The following PIK3CA variants were observed in gnomAD, a reference collection of about 807,000 sequenced individuals.
The protein encoded by PIK3CA is phosphatidylinositol 4,5-bisphosphate 3-kinase catalytic subunit alpha isoform.
PIK3CA carries 27 observed loss-of-function variants against 138.2 expected under a neutral mutation model. The ratio of observed to expected loss-of-function variants is 0.20; its 90% CI spans 0.14 to 0.27. The LOEUF (loss-of-function observed/expected upper bound fraction) is 0.27, where lower values mean the gene tolerates loss of function less well. PIK3CA is among the 10% of genes least tolerant of loss of function. The pLI is 1.00. For synonymous variants in PIK3CA, 358 were observed against 413.2 expected, an observed-to-expected ratio of 0.87 and a Z score of 1.62; for missense variants, 544 against 1,277.4, an observed-to-expected ratio of 0.43 and a Z score of 8.75.
At chr3:179,168,526 G>T (rs1309370024) in intron 1 of PIK3CA, among the ~76,000 whole-genome samples, 1 of 152,042 alleles carries the variant, frequency 6.6e-6, no homozygotes, top group East Asian at 1.9e-4. Context: ...CCAGCTCCCA[G>T]ATGTTTTTCT....
intron 1 of PIK3CA, among the ~76,000 whole-genome samples, chr3:179,159,232 G>T (rs2108353028): frequency 6.6e-6 from 1 of 152,202 alleles, no homozygotes; most frequent in Admixed American, 6.5e-5. Flanking sequence ...TCTTTTAGGG[G>T]GTGATATGTA....
chr3:179,181,010 T>G (rs769845149), intron 1 of PIK3CA, among the ~76,000 whole-genome samples: 1 of 152,054 alleles, frequency 6.6e-6, no homozygotes, highest in Non-Finnish European at 1.5e-5. Context: ...GGAGAGAGTG[T>G]GTGTGTCTCT....
At chr3:179,159,149 C>T (rs1164676929) in intron 1 of PIK3CA, among the ~76,000 whole-genome samples, 2 of 151,992 alleles carry the variant, frequency 1.3e-5, no homozygotes, top group African/African-American at 4.8e-5. Flanking sequence ...TTGTTGTGTG[C>T]TTTTAAAGAA....
rs772110575 is a variant in PIK3CA, at chr3:179,198,938, G to A, written c.113G>A (p.Arg38His). Reference protein sequence around the residue: ...NGMIVTLECLREATLITIKHE... With the variant: ...NGMIVTLECLHEATLITIKHE... ...ATGATAGTGACTTTAGAATGCCTCC[G>A]TGAGGCTACATTAATAACCATAAAG... Residue 38 changes from arginine to histidine, a missense_variant, in exon 2 of 21, where the codon CGT becomes CAT. Physicochemically the swap from Arg to His is conservative, Grantham distance 29. This residue lies in a region of PIK3CA where 47 missense variants were observed against 84.0 expected (regional missense o/e 0.56). Transcript: ENST00000263967. 1.9e-6 allele frequency: 3 copies of A among 1,611,438 alleles called. No individual in the cohort carries two copies. The highest frequency in any genetic ancestry group is 1.7e-5 in the Admixed American group (1 of 59,868).
intron 1 of PIK3CA, among the ~76,000 whole-genome samples, chr3:179,174,780 T>C (rs769214955): frequency 1.4e-4 from 22 of 152,242 alleles, no homozygotes; most frequent in Non-Finnish European, 1.9e-4. Context: ...AATGACCATA[T>C]AGTAATAAAG....
At chr3:179,171,090 G>A (rs536537427) in intron 1 of PIK3CA, among the ~76,000 whole-genome samples, 5 of 152,152 alleles carry the variant, frequency 3.3e-5, no homozygotes, top group Non-Finnish European at 7.4e-5. Context: ...AAATTATATG[G>A]TATGTTTTGC....
At chr3:179,213,703 C>G (rs1724773531) in intron 9 of PIK3CA, among the ~76,000 whole-genome samples, 1 of 152,238 alleles carries the variant, frequency 6.6e-6, no homozygotes, top group Non-Finnish European at 1.5e-5. Context: ...AGTTAACCAG[C>G]TGCATTAGCC....
intron 1 of PIK3CA, among the ~76,000 whole-genome samples, chr3:179,173,297 G>A (rs11924600): frequency 0.13 from 18,955 of 150,448 alleles, 1,197 homozygotes; most frequent in African/African-American, 0.15. Context: ...GGTAGCTCAC[G>A]CCTGTAATCC....
intron 1 of PIK3CA, among the ~76,000 whole-genome samples, chr3:179,177,938 A>C (rs896077512): frequency 3.3e-5 from 5 of 152,138 alleles, no homozygotes; most frequent in Non-Finnish European, 7.4e-5. Flanking sequence ...GTGTATCAGA[A>C]TATATAAAGA....
At position 179,229,254 on chromosome 3, in the gene PIK3CA, G is replaced by A. The variant is rs759447947; in HGVS notation, c.2496-18G>A. 1.8e-5 allele frequency: 29 copies of A among 1,589,966 alleles called. 1 individual carries two copies. Among genetic ancestry groups the A allele is most frequent in the African/African-American group, 8.1e-5 (6 of 74,344 alleles). ...AAAATTCCATCATTTAATTGTAAAC[G>A]TGTTACTCCTCTTTCAGAATGTTAC... is the stretch of plus-strand genomic sequence containing the variant. On this transcript the variant is annotated intron_variant, in intron 17 of 20. Coordinates refer to ENST00000263967, the MANE Select transcript of PIK3CA (RefSeq NM_006218.4).
intron 1 of PIK3CA, among the ~76,000 whole-genome samples, chr3:179,197,279 T>G (rs1724290853): frequency 6.6e-6 from 1 of 152,126 alleles, no homozygotes; most frequent in African/African-American, 2.4e-5. Context: ...CCTCGTGATC[T>G]GCCCACCTCA....
chr3:179,187,006 A>G (rs75523419), intron 1 of PIK3CA, among the ~76,000 whole-genome samples: 2 of 152,026 alleles, frequency 1.3e-5, no homozygotes, highest in African/African-American at 2.4e-5. Flanking sequence ...TATGCAAAAG[A>G]TGCTATTTTT....
chr3:179,223,670 T>C (rs1725017926), intron 14 of PIK3CA, among the ~76,000 whole-genome samples: 1 of 152,210 alleles, frequency 6.6e-6, no homozygotes, highest in Admixed American at 6.6e-5. Context: ...GTTTTAGACT[T>C]TGCAGGCCCA....
At chr3:179,213,942 C>G (rs552303520) in intron 9 of PIK3CA, among the ~76,000 whole-genome samples, 2 of 152,320 alleles carry the variant, frequency 1.3e-5, no homozygotes, top group South Asian at 4.1e-4. Flanking sequence ...TTTTAAACCT[C>G]TTATACCAAC....
chr3:179,233,263 A>T (rs568457051), intron 20 of PIK3CA: 2 of 398,164 alleles, frequency 5.0e-6, no homozygotes, highest in East Asian at 7.1e-5. Flanking sequence ...TTGGATGCCA[A>T]TGTGGGCTTC....
intron 6 of PIK3CA, among the ~76,000 whole-genome samples, chr3:179,206,457 A>G (rs1483785071): frequency 6.6e-6 from 1 of 152,186 alleles, no homozygotes; most frequent in Non-Finnish European, 1.5e-5. Flanking sequence ...GGAAAAGAAA[A>G]ACAACATTTG....
At chr3:179,185,939 TTAAA>T (rs1249135968) in intron 1 of PIK3CA, among the ~76,000 whole-genome samples, 1 of 152,206 alleles carries the variant, frequency 6.6e-6, no homozygotes, top group Non-Finnish European at 1.5e-5. Context: ...GCATGATTGA[TTAAA>T]TAATTGGCCA....
At chr3:179,228,354 G>A (rs1383063876) in intron 17 of PIK3CA, among the ~76,000 whole-genome samples, 1 of 151,778 alleles carries the variant, frequency 6.6e-6, no homozygotes, top group African/African-American at 2.4e-5. Context: ...ATCATGTATG[G>A]GTAAGAGATC....
At position 179,178,276 on chromosome 3, in the gene PIK3CA, A is replaced by C. The variant is rs953358863; in HGVS notation, c.-76-20474A>C. On this transcript the variant is annotated intron_variant, in intron 1 of 20. Coordinates refer to ENST00000263967, the MANE Select transcript of PIK3CA (RefSeq NM_006218.4). ...CTCTAAAGATCAAAAAAAAAAAAAA[A>C]AAAACTCAGAAATTAACATTTAAAA... is the stretch of plus-strand genomic sequence containing the variant. Among the ~76,000 whole-genome samples, 6 of 151,456 alleles carry C rather than the reference A, an allele frequency of 4.0e-5. No individual in the cohort carries two copies. The East Asian group carries it at 7.7e-4, about 19-fold the overall frequency.
Sources: gnomAD v4.1 joint callset for allele counts (sites outside exome capture counted in the v4.1 genomes callset) on GRCh38, gnomAD v4.1.1 for gene constraint, gnomAD v4.1.1 regional missense constraint, MANE v1.5 for transcripts, NCBI Gene and HGNC (gene_info 2026-07-23, HGNC 2026-07-21) for gene names.